Variants in ITGB1 observed in about 807,000 individuals in gnomAD.
ITGB1 encodes the protein integrin subunit beta 1, also known as integrin beta-1.
Under a neutral mutation model 86.5 loss-of-function variants are expected in ITGB1, and 24 were observed. The observed-to-expected ratio is 0.28, with a 90% confidence interval of 0.20 to 0.39. The LOEUF is 0.39. Among genes scored for constraint, ITGB1 ranks in the 10% least tolerant of loss-of-function variants. ITGB1 has a pLI of 1.00. For missense variants in ITGB1, 556 were observed against 946.9 expected (o/e 0.59, Z 5.42); for synonymous variants, 323 against 316.8 (o/e 1.02, Z -0.21).
intron 4 of ITGB1, among the ~76,000 whole-genome samples, chr10:32,929,389 G>A (rs2094975999): frequency 6.6e-6 from 1 of 152,090 alleles, no homozygotes. Flanking sequence ...GCGAGGATGA[G>A]GGCTTGTTTT....
intron 1 of ITGB1, among the ~76,000 whole-genome samples, chr10:32,939,309 T>C (rs1390538183): frequency 6.6e-6 from 1 of 152,260 alleles, no homozygotes; most frequent in Non-Finnish European, 1.5e-5. Context: ...GTCAAAGACC[T>C]AGAAACAGTT....
At chr10:32,943,221 T>C (rs959393508) in intron 1 of ITGB1, among the ~76,000 whole-genome samples, 2 of 152,198 alleles carry the variant, frequency 1.3e-5, no homozygotes, top group Non-Finnish European at 2.9e-5. Context: ...AGATATAAAA[T>C]GTCTCATGCT....
At chr10:32,915,404 T>C (rs181026563) in intron 11 of ITGB1, among the ~76,000 whole-genome samples, 1 of 152,042 alleles carries the variant, frequency 6.6e-6, no homozygotes, top group Admixed American at 6.6e-5. Flanking sequence ...ATCAACAAAA[T>C]TGACAGACCG....
At chr10:32,958,026 C>CCCCCA (rs2095056567) in intron 1 of ITGB1, 119 bp downstream of exon 1, 1 of 151,608 alleles carries the variant, frequency 6.6e-6, no homozygotes, top group Admixed American at 6.6e-5. Flanking sequence ...CCCGCCCCCA[C>CCCCCA]CCCCACGCCC....
At chr10:32,920,408 A>G (rs200636720) in intron 9 of ITGB1, 23 bp from the exon 10 acceptor site, 15 of 1,608,772 alleles carry the variant, frequency 9.3e-6, no homozygotes, top group Non-Finnish European at 1.3e-5. Context: ...CTAATTATAC[A>G]CAGGAAAAGT....
intron 11 of ITGB1, among the ~76,000 whole-genome samples, chr10:32,916,794 C>T (rs1379688898): frequency 6.6e-6 from 1 of 152,144 alleles, no homozygotes; most frequent in Non-Finnish European, 1.5e-5. Flanking sequence ...TCAATGCCAT[C>T]CCCATCAAGC....
chr10:32,936,663 T>C (rs916473201), intron 1 of ITGB1, among the ~76,000 whole-genome samples: 2 of 152,134 alleles, frequency 1.3e-5, no homozygotes, highest in African/African-American at 4.8e-5. Context: ...CATATATAAC[T>C]ATTTTCTCTG....
Position 32,920,316 on chromosome 10 carries a change from A to G in ITGB1, c.1198T>C (p.Tyr400His), listed in dbSNP as rs780241199. The change falls in exon 10 of 16, where the codon TAC becomes CAC. Residue 400 changes from tyrosine (Y) to histidine (H), a missense_variant. By Grantham distance (83) the Tyr-to-His change is moderately conservative. Around this residue, in one of 4 missense-constraint regions of ITGB1, gnomAD observed 330 missense variants for 531.5 expected, o/e 0.62. Coordinates refer to ENST00000302278, the MANE Select transcript of ITGB1 (RefSeq NM_002211.4). Reference sequence around the variant, plus strand: ...GTTCCATTCACCCCGTTCTTGCAGTAAGATTTGTAACTTATTGTTACGCCT... The same window carrying G: ...GTTCCATTCACCCCGTTCTTGCAGTGAGATTTGTAACTTATTGTTACGCCT... The part of the protein sequence containing the change: ...SEGVTISYKS[Y>H]CKNGVNGTGE... The G allele has an allele frequency of 1.2e-6, 2 of 1,613,248 alleles. No homozygotes were observed. Among genetic ancestry groups the G allele is most frequent in the Non-Finnish European group, 1.7e-6 (2 of 1,179,324 alleles).
At position 32,905,038 on chromosome 10, in the gene ITGB1, T is replaced by C. The variant is rs569298238; in HGVS notation, c.2331+3330A>G. 2.0e-3 allele frequency among the ~76,000 whole-genome samples: 223 copies of C among 110,718 alleles called. 1 individual carries two copies. Among genetic ancestry groups the C allele is most frequent in the African/African-American group, 5.3e-3 (209 of 39,230 alleles). The allele number at this position is 110,718 out of a possible 152,430, so 72.6% of individuals were successfully genotyped here. On this transcript the variant is annotated intron_variant, in intron 15 of 15. Coordinates refer to ENST00000302278, the MANE Select transcript of ITGB1 (RefSeq NM_002211.4). ...TGACCTACAACTAAAGAAAAAAATA[T>C]GTATTAAAAAAAAAAAAAAGCCTGG...
At chr10:32,926,299 T>C (rs2094964294) in intron 5 of ITGB1, among the ~76,000 whole-genome samples, 190 bp from the exon 6 acceptor site, 2 of 152,110 alleles carry the variant, frequency 1.3e-5, no homozygotes, top group Non-Finnish European at 2.9e-5. Context: ...AGTGGTTCCT[T>C]TGGAAGGTGA....
intron 15 of ITGB1, among the ~76,000 whole-genome samples, chr10:32,904,171 A>G (rs1447199579): frequency 1.3e-5 from 2 of 152,174 alleles, no homozygotes; most frequent in Non-Finnish European, 1.5e-5. Flanking sequence ...TTTAACATGC[A>G]AGGTTAGAGG....
intron 1 of ITGB1, among the ~76,000 whole-genome samples, chr10:32,945,492 G>T (rs374382902): frequency 1.3e-5 from 2 of 151,886 alleles, no homozygotes; most frequent in Non-Finnish European, 2.9e-5. Flanking sequence ...CCAGCTACTC[G>T]GGAGGCTGAG....
intron 1 of ITGB1, among the ~76,000 whole-genome samples, chr10:32,954,286 T>A (rs1021776338): frequency 2.0e-5 from 3 of 151,994 alleles, no homozygotes; most frequent in African/African-American, 7.3e-5. Context: ...CAGCTTGTGG[T>A]CACCCTCTCA....
intron 13 of ITGB1, among the ~76,000 whole-genome samples, chr10:32,910,797 G>A (rs2094911020): frequency 6.6e-6 from 1 of 151,958 alleles, no homozygotes; most frequent in Admixed American, 6.6e-5. Context: ...CATCCAGGCA[G>A]TGCAGTGGTG....
chr10:32,946,905 C>A (rs938611360), intron 1 of ITGB1, among the ~76,000 whole-genome samples: 4 of 151,432 alleles, frequency 2.6e-5, no homozygotes, highest in African/African-American at 9.7e-5. Flanking sequence ...AGTGCAGTGG[C>A]ATGATCTTGG....
At chr10:32,936,463 T>A (rs936459648) in intron 1 of ITGB1, among the ~76,000 whole-genome samples, 6 of 151,898 alleles carry the variant, frequency 4.0e-5, no homozygotes, top group African/African-American at 1.5e-4. Flanking sequence ...AATCAACTTC[T>A]ATGCATGCAA....
chr10:32,908,512 G>A lies in ITGB1; in HGVS notation c.2187C>T (p.Ile729=). 1 of 1,613,772 alleles carries A rather than the reference G, an allele frequency of 6.2e-7. No homozygotes were observed. The highest frequency in any genetic ancestry group is 1.1e-5 in the South Asian group (1 of 91,074). Residue 729 remains isoleucine, a synonymous_variant, in exon 15 of 16, where the codon ATC becomes ATT. Transcript: ENST00000302278. ...ENPECPTGPD[I]IPIVAGVVAG... is the part of the protein sequence containing the mutation. Reference sequence around the variant, plus strand: ...CAACCACACCAGCTACAATTGGAATGATGTCTGGACCAGTGGGACACTCTG... The same window carrying A: ...CAACCACACCAGCTACAATTGGAATAATGTCTGGACCAGTGGGACACTCTG...
intron 1 of ITGB1, among the ~76,000 whole-genome samples, chr10:32,954,567 CA>C (rs2095048756): frequency 6.6e-6 from 1 of 152,172 alleles, no homozygotes; most frequent in East Asian, 1.9e-4. Context: ...CAATCATAAT[CA>C]AAATTTTAAA....
intron 15 of ITGB1, 51 bp from the exon 16 acceptor site, chr10:32,901,686 T>C: frequency 1.7e-6 from 2 of 1,167,808 alleles, no homozygotes; most frequent in Non-Finnish European, 2.5e-6. Flanking sequence ...ACTAAAATTA[T>C]GTAGAATAAT....
Sources: allele counts gnomAD v4.1 joint callset (sites outside exome capture counted in the v4.1 genomes callset), GRCh38; gene constraint gnomAD v4.1.1; regional missense constraint gnomAD v4.1.1; transcripts MANE v1.5; gene names NCBI Gene and HGNC (gene_info 2026-07-23, HGNC 2026-07-21).